The following TJP2 variants were observed in gnomAD, a reference collection of about 807,000 sequenced individuals.
The protein encoded by TJP2 is Friedreich ataxia region gene X104 (tight junction protein ZO-2).
Under a neutral mutation model 133.1 loss-of-function variants are expected in TJP2, and 91 were observed. The observed-to-expected ratio is 0.68, with a 90% confidence interval of 0.58 to 0.81. The LOEUF is 0.81. Ranked by LOEUF, TJP2 falls within the 40% of genes least tolerant of loss-of-function variation. The probability of loss-of-function intolerance (pLI) is 0.00; values close to 1 mark genes in which losing one functional copy is unlikely to be tolerated. For missense variants in TJP2, 1,541 were observed against 1,565.6 expected, an observed-to-expected ratio of 0.98 and a Z score of 0.26; for synonymous variants, 592 against 583.4, an observed-to-expected ratio of 1.01 and a Z score of -0.21.
chr9:69,169,099 T>C lies in TJP2; in HGVS notation c.-10+17328T>C, dbSNP rs974951266. Among the ~76,000 whole-genome samples, 25 of 152,266 alleles carry C rather than the reference T, an allele frequency of 1.6e-4. 1 individual carries two copies. The highest frequency in any genetic ancestry group is 8.3e-4 in the South Asian group (4 of 4,828). On this transcript the variant is annotated intron_variant, in intron 2 of 5. Transcript: ENST00000423935. ...ACATCAGGTCCTTCTGGCGGAGTTT[T>C]AGCTGCTGCCTCAGCACTTTAGTCA...
At chr9:69,150,235 A>G (rs950081053) in intron 1 of TJP2, among the ~76,000 whole-genome samples, 2 of 152,130 alleles carry the variant, frequency 1.3e-5, no homozygotes, top group African/African-American at 2.4e-5. Context: ...TCTGTAGTAT[A>G]CTTTGGAATG....
chr9:69,175,308 T>G (rs781710546), intron 1 of TJP2, among the ~76,000 whole-genome samples: 4 of 152,188 alleles, frequency 2.6e-5, no homozygotes, highest in Non-Finnish European at 5.9e-5. Context: ...GCCTTGCGCT[T>G]CTCACTCACG....
upstream of TJP2, among the ~76,000 whole-genome samples, chr9:69,172,296 C>G (rs1824732690): frequency 6.6e-6 from 1 of 152,176 alleles, no homozygotes; most frequent in Non-Finnish European, 1.5e-5. Context: ...GGTGTTGTGC[C>G]AGAAGAATGG....
At position 69,236,117 on chromosome 9, in the gene TJP2, G is replaced by T; in HGVS notation, c.1870G>T (p.Ala624Ser). ...TGAGAAGGAAACTCCACAGAGCCTG[G>T]CCTTCACCAGAGGGGAGGTCTTCCG... ...ECEKETPQSL[A>S]FTRGEVFRVV... The change falls in exon 13 of 23, where the codon GCC (alanine) becomes TCC (serine). Residue 624 changes from alanine to serine, a missense_variant. Coordinates refer to ENST00000377245, the MANE Select transcript of TJP2 (RefSeq NM_004817.4). The T allele has an allele frequency of 5.0e-6, 8 of 1,614,164 alleles. No homozygotes were observed. The highest frequency in any genetic ancestry group is 6.8e-6 in the Non-Finnish European group (8 of 1,180,030).
intron 1 of TJP2, among the ~76,000 whole-genome samples, chr9:69,137,291 C>CT (rs397966390): frequency 0.061 from 4,568 of 74,390 alleles, 122 homozygotes; most frequent in Admixed American, 0.083. Context: ...TTCTTTCTTT[C>CT]TTTCTTTCTT....
intron 1 of TJP2, among the ~76,000 whole-genome samples, chr9:69,208,257 G>A (rs1414735407): frequency 1.3e-5 from 2 of 152,146 alleles, no homozygotes; most frequent in African/African-American, 4.8e-5. Flanking sequence ...TGGCTTAGCA[G>A]AGCATATATT....
chr9:69,121,505 A>C, exon 1 of TJP2: 3 of 288,520 alleles, frequency 1.0e-5, no homozygotes, highest in Non-Finnish European at 1.6e-5. Flanking sequence ...AATCACAATA[A>C]TATACGGGAG....
Position 69,212,566 on chromosome 9 carries a change from C to T in TJP2, c.79C>T (p.Leu27=), listed in dbSNP as rs145628692. Reference sequence around the variant, plus strand: ...AAAACAGGCCCCAGGCATGGAAGAGCTGATATGGGAACAGTACACTGTGAC... The same window carrying T: ...AAAACAGGCCCCAGGCATGGAAGAGTTGATATGGGAACAGTACACTGTGAC... ...GWLRAPGMEE[L]IWEQYTVTLQ... Residue 27 remains leucine (L), a synonymous_variant, in exon 2 of 23, where the codon CTG becomes TTG. Transcript: ENST00000377245. 1.2e-6 allele frequency: 2 copies of T among 1,613,258 alleles called. No homozygotes were observed. Among genetic ancestry groups the T allele is most frequent in the Admixed American group, 3.3e-5 (2 of 60,026 alleles).
At chr9:69,137,689 T>A (rs1822838972) in intron 1 of TJP2, among the ~76,000 whole-genome samples, 1 of 151,916 alleles carries the variant, frequency 6.6e-6, no homozygotes, top group South Asian at 2.1e-4. Context: ...AGGGACAGAA[T>A]CTGGCCTTGA....
At position 69,248,001 on chromosome 9, in the gene TJP2, A is replaced by C; in HGVS notation, c.2668-11A>C. 6.3e-7 allele frequency: 1 copy of C among 1,584,870 alleles called. No individual in the cohort carries two copies. ...CAGACCCCACTGACCGTCCAACACA[A>C]ATTCCTCTAGATGGAAGGGATGGAT... is the stretch of plus-strand genomic sequence containing the variant. On this transcript the variant is annotated splice_polypyrimidine_tract_variant and intron_variant, in intron 18 of 22. Coordinates refer to ENST00000377245, the MANE Select transcript of TJP2 (RefSeq NM_004817.4).
chr9:69,227,990 G>A lies in TJP2; in HGVS notation c.1329G>A (p.Glu443=). Residue 443 remains glutamate, a synonymous_variant, in exon 9 of 23, where the codon GAG becomes GAA. Coordinates refer to ENST00000377245, the MANE Select transcript of TJP2 (RefSeq NM_004817.4). ...EKLKERPSSR[E]DTPSRLSRMG... ...ATGACATGTGATTCAGTTCCAGAGA[G>A]GACACGCCGAGCAGATTGTCCAGGA... 1 of 1,614,192 alleles carries A rather than the reference G, an allele frequency of 6.2e-7. No homozygotes were observed.
In TJP2 at chr9:69,208,449, C is replaced by T. The variant is rs551025634; in HGVS notation, c.61-4099C>T. ...ACAAATTTAATTTAAATTACGCTTG[C>T]AGGCATCACAGGACACTTAAAGATG... On this transcript the variant is annotated intron_variant, in intron 1 of 22. Transcript: ENST00000377245. 2.6e-5 allele frequency among the ~76,000 whole-genome samples: 4 copies of T among 152,268 alleles called. 1 individual carries two copies. The South Asian group carries it at 8.3e-4, about 32-fold the overall frequency.
At chr9:69,176,715 T>A (rs1825120718) in intron 1 of TJP2, among the ~76,000 whole-genome samples, 1 of 152,214 alleles carries the variant, frequency 6.6e-6, no homozygotes, top group Non-Finnish European at 1.5e-5. Context: ...CTTTGTACAC[T>A]GACAAAAGTT....
intron 2 of TJP2, among the ~76,000 whole-genome samples, chr9:69,158,985 C>T (rs1198033686): frequency 6.6e-6 from 1 of 151,606 alleles, no homozygotes; most frequent in Non-Finnish European, 1.5e-5. Context: ...ATTCACCGCC[C>T]CCCCCCCATC....
upstream of TJP2, among the ~76,000 whole-genome samples, chr9:69,171,211 TC>T (rs746709358): frequency 6.6e-6 from 1 of 152,162 alleles, no homozygotes; most frequent in Non-Finnish European, 1.5e-5. Context: ...CGCTCGCGTC[TC>T]CCCATATCTA....
At chr9:69,189,372 G>C (rs1826063132) in intron 1 of TJP2, among the ~76,000 whole-genome samples, 1 of 152,132 alleles carries the variant, frequency 6.6e-6, no homozygotes, top group Admixed American at 6.5e-5. Flanking sequence ...TCTTTCCCCA[G>C]GACCCAGAAT....
chr9:69,188,350 G>C (rs1457268001), intron 1 of TJP2, among the ~76,000 whole-genome samples: 1 of 152,054 alleles, frequency 6.6e-6, no homozygotes, highest in Non-Finnish European at 1.5e-5. Flanking sequence ...GGGAAACGGA[G>C]GCTCAGAAAC....
chr9:69,218,530 C>G, intron 4 of TJP2, 171 bp downstream of exon 4: 1 of 665,348 alleles, frequency 1.5e-6, no homozygotes, highest in Non-Finnish European at 2.7e-6. Flanking sequence ...AGTTATCTTC[C>G]TACTTTTCCT....
intron 11 of TJP2, among the ~76,000 whole-genome samples, chr9:69,231,288 G>C (rs142921266): frequency 0.014 from 2,125 of 152,148 alleles, 25 homozygotes; most frequent in Non-Finnish European, 0.022. Context: ...AGTAGAGACA[G>C]GGTTTCATCA....
Sources: allele counts gnomAD v4.1 joint callset (sites outside exome capture counted in the v4.1 genomes callset), GRCh38; gene constraint gnomAD v4.1.1; transcripts MANE v1.5; gene names NCBI Gene and HGNC (gene_info 2026-07-23, HGNC 2026-07-21).